Variants in SUGCT observed in about 807,000 individuals in gnomAD.
The protein encoded by SUGCT is succinyl-CoA:glutarate CoA-transferase.
In SUGCT, 41 loss-of-function variants were observed where a neutral mutation model predicts 55.0. The observed-to-expected ratio is 0.74, with a 90% CI of 0.58 to 0.97. The LOEUF (loss-of-function observed/expected upper bound fraction) is 0.97, where lower values mean the gene tolerates loss of function less well. Among genes scored for constraint, SUGCT ranks in the 50% least tolerant of loss-of-function variants. The pLI is 0.00. For synonymous variants in SUGCT, 187 were observed against 200.4 expected (o/e 0.93, Z 0.56); for missense variants, 568 against 547.8 (o/e 1.04, Z -0.37).
At chr7:40,579,212 C>G (rs1796944762) in intron 12 of SUGCT, among the ~76,000 whole-genome samples, 1 of 152,072 alleles carries the variant, frequency 6.6e-6, no homozygotes, top group South Asian at 2.1e-4. Flanking sequence ...ACACATTTCA[C>G]CACTTGAAGA....
At chr7:40,737,240 A>G (rs1240426058) in intron 12 of SUGCT, among the ~76,000 whole-genome samples, 1 of 152,202 alleles carries the variant, frequency 6.6e-6, no homozygotes, top group East Asian at 1.9e-4. Flanking sequence ...CATTTGATCA[A>G]ACTTGGTTTT....
At chr7:40,291,653 AAT>A (rs1168140916) in intron 8 of SUGCT, among the ~76,000 whole-genome samples, 2 of 133,238 alleles carry the variant, frequency 1.5e-5, no homozygotes, top group African/African-American at 2.7e-5. Context: ...CTTAAAGTAT[AAT>A]AATAATAAAA....
At chr7:40,746,773 G>GTTA (rs1214864298) in intron 12 of SUGCT, among the ~76,000 whole-genome samples, 2 of 152,100 alleles carry the variant, frequency 1.3e-5, no homozygotes, top group Non-Finnish European at 2.9e-5. Context: ...GACACTTAAC[G>GTTA]TTTGCTACAT....
intron 12 of SUGCT, among the ~76,000 whole-genome samples, chr7:40,656,194 T>G (rs990650012): frequency 2.0e-5 from 3 of 151,862 alleles, no homozygotes; most frequent in African/African-American, 7.3e-5. Flanking sequence ...TTTTAAAATC[T>G]TGGTCAGTCT....
intron 12 of SUGCT, among the ~76,000 whole-genome samples, chr7:40,532,608 T>C (rs927733062): frequency 9.2e-5 from 14 of 151,828 alleles, no homozygotes; most frequent in African/African-American, 3.4e-4. Flanking sequence ...TTACTTTTAA[T>C]CTGTAGTGTG....
intron 12 of SUGCT, among the ~76,000 whole-genome samples, chr7:40,560,252 A>G (rs1583982938): frequency 2.0e-5 from 3 of 152,148 alleles, no homozygotes; most frequent in Non-Finnish European, 2.9e-5. Context: ...AGTGATACAC[A>G]CACATGTGCA....
At chr7:40,501,057 T>C (rs1017144713) in intron 12 of SUGCT, among the ~76,000 whole-genome samples, 1 of 152,174 alleles carries the variant, frequency 6.6e-6, no homozygotes, top group African/African-American at 2.4e-5. Flanking sequence ...TGCTGGGAAA[T>C]ACATATATAC....
chr7:40,260,308 A>G (rs1319039785), intron 7 of SUGCT, among the ~76,000 whole-genome samples: 1 of 152,170 alleles, frequency 6.6e-6, no homozygotes, highest in Non-Finnish European at 1.5e-5. Context: ...AATCTTTGGG[A>G]CATTCCTTTT....
the SUGCT span, among the ~76,000 whole-genome samples, chr7:40,902,601 A>C: frequency 6.6e-6 from 1 of 151,866 alleles, no homozygotes; most frequent in Non-Finnish European, 1.5e-5. Context: ...AAAGAGAAAA[A>C]AAAACCAAAA....
intron 7 of SUGCT, among the ~76,000 whole-genome samples, chr7:40,262,539 C>G (rs1050933825): frequency 6.6e-6 from 1 of 151,376 alleles, no homozygotes; most frequent in African/African-American, 2.4e-5. Context: ...GTAGTGGGCC[C>G]TTGTAGTCCC....
At chr7:40,530,274 C>T (rs781509342) in intron 12 of SUGCT, among the ~76,000 whole-genome samples, 4 of 152,052 alleles carry the variant, frequency 2.6e-5, no homozygotes, top group Non-Finnish European at 5.9e-5. Flanking sequence ...TAATTTTTAG[C>T]GACAGAAAAT....
intron 13 of SUGCT, among the ~76,000 whole-genome samples, chr7:40,777,093 C>T (rs1789489364): frequency 6.6e-6 from 1 of 152,206 alleles, no homozygotes; most frequent in African/African-American, 2.4e-5. Context: ...CAAAATCCTA[C>T]TACCAGGGGT....
intron 9 of SUGCT, among the ~76,000 whole-genome samples, chr7:40,367,740 C>T (rs1301555015): frequency 6.6e-6 from 1 of 152,178 alleles, no homozygotes; most frequent in Non-Finnish European, 1.5e-5. Flanking sequence ...TGCTGCCCGA[C>T]CGTGGTCTGT....
At chr7:40,725,583 T>A (rs1786571918) in intron 12 of SUGCT, among the ~76,000 whole-genome samples, 1 of 151,972 alleles carries the variant, frequency 6.6e-6, no homozygotes, top group Non-Finnish European at 1.5e-5. Flanking sequence ...TTTCTTTTTT[T>A]TTTTTTCTTT....
chr7:40,505,270 G>A (rs1024680722), intron 12 of SUGCT, among the ~76,000 whole-genome samples: 2 of 151,878 alleles, frequency 1.3e-5, no homozygotes, highest in African/African-American at 4.8e-5. Flanking sequence ...CATGTAGATG[G>A]TAGATAGGTG....
chr7:40,659,490 G>A (rs975707753), intron 12 of SUGCT, among the ~76,000 whole-genome samples: 5 of 152,166 alleles, frequency 3.3e-5, no homozygotes, highest in African/African-American at 1.2e-4. Flanking sequence ...CAAGGCAAAA[G>A]CTGCATGTGT....
chr7:40,383,449 T>C (rs1384097342), intron 9 of SUGCT, among the ~76,000 whole-genome samples: 1 of 152,234 alleles, frequency 6.6e-6, no homozygotes, highest in Non-Finnish European at 1.5e-5. Flanking sequence ...CTTAACTCTT[T>C]ATTCAGTTAT....
intron 9 of SUGCT, among the ~76,000 whole-genome samples, chr7:40,350,821 T>A (rs1277622538): frequency 6.6e-6 from 1 of 151,578 alleles, no homozygotes; most frequent in Non-Finnish European, 1.5e-5. Flanking sequence ...CAGTATGTGA[T>A]GTTCCCCTCC....
intron 13 of SUGCT, among the ~76,000 whole-genome samples, chr7:40,809,528 G>C (rs1359281880): frequency 6.6e-6 from 1 of 152,060 alleles, no homozygotes; most frequent in East Asian, 1.9e-4. Flanking sequence ...CTTTAACCTA[G>C]TATGGTTAAA....
Sources: gnomAD v4.1 joint callset for allele counts (sites outside exome capture counted in the v4.1 genomes callset) on GRCh38, gnomAD v4.1.1 for gene constraint, MANE v1.5 for transcripts, NCBI Gene and HGNC (gene_info 2026-07-23, HGNC 2026-07-21) for gene names.